The following CPSF7 variants were observed in gnomAD, a reference collection of about 807,000 sequenced individuals.
The protein encoded by CPSF7 is cleavage and polyadenylation specificity factor subunit 7.
Under a neutral mutation model 44.3 loss-of-function variants are expected in CPSF7, and 1 was observed. The observed-to-expected ratio is 0.02, with a 90% CI of 0.01 to 0.11. The LOEUF (loss-of-function observed/expected upper bound fraction) is 0.11, where lower values mean the gene tolerates loss of function less well. Among genes scored for constraint, CPSF7 ranks in the 10% least tolerant of loss-of-function variants. CPSF7 has a pLI of 1.00. For synonymous variants in CPSF7, 202 were observed against 222.0 expected (o/e 0.91, Z 0.80); for missense variants, 443 against 607.2 (o/e 0.73, Z 2.84).
At chr11:61,422,317 C>CT (rs768474632) in intron 2 of CPSF7, among the ~76,000 whole-genome samples, 118 of 144,368 alleles carry the variant, frequency 8.2e-4, no homozygotes, top group South Asian at 3.7e-3. Context: ...ATCTAGGAGA[C>CT]TTTTTTTTTT....
chr11:61,415,238 AAAAC>A (rs981254779), intron 7 of CPSF7, among the ~76,000 whole-genome samples: 1 of 152,134 alleles, frequency 6.6e-6, no homozygotes, highest in Admixed American at 6.6e-5. Flanking sequence ...ACTCCCTCTC[AAAAC>A]AAACAAACAA....
chr11:61,416,509 T>C lies in CPSF7; in HGVS notation c.534A>G (p.Pro178=). ...FEAQARKRIP[P]RAHSRDSSDS... ...CACTAGAATCTCGGGAATGGGCCCGTGGAGGTATTCCTATGAAGCAAAACA... is the reference window on the plus strand; with the variant it reads ...CACTAGAATCTCGGGAATGGGCCCGCGGAGGTATTCCTATGAAGCAAAACA... The change falls in exon 6 of 10, where the codon CCA becomes CCG. Residue 178 remains proline (P), a synonymous_variant. Transcript: ENST00000439958. 1 of 1,614,022 alleles carries C rather than the reference T, an allele frequency of 6.2e-7. No homozygotes were observed. The highest frequency in any genetic ancestry group is 8.5e-7 in the Non-Finnish European group (1 of 1,179,954).
chr11:61,404,096 C>A lies in CPSF7; in HGVS notation c.*614G>T, dbSNP rs959230937. ...CCCTCTGGGAGGTCAAAGAAATAAA[C>A]CGTCAATACGTGAGAGGGAAAGCAG... On this transcript the variant is annotated 3_prime_UTR_variant, in exon 10 of 10. Transcript: ENST00000439958. The A allele has an allele frequency of 3.3e-5, 5 of 152,580 alleles. No individual in the cohort carries two copies. Among genetic ancestry groups the A allele is most frequent in the African/African-American group, 1.2e-4 (5 of 41,424 alleles). The allele number at this position is 152,580 out of a possible 1,614,324, so 9.5% of individuals were successfully genotyped here. A position where few individuals can be genotyped will look rare whatever the true frequency, so the allele number is the denominator to read the frequency against.
intron 9 of CPSF7, among the ~76,000 whole-genome samples, chr11:61,409,662 C>T (rs1020270076): frequency 4.5e-4 from 31 of 69,300 alleles, no homozygotes; most frequent in Non-Finnish European, 8.4e-4. Flanking sequence ...TTTAAATAAA[C>T]CGTTTTTTTT....
intron 2 of CPSF7, among the ~76,000 whole-genome samples, chr11:61,425,814 A>C (rs1324938379): frequency 6.6e-6 from 1 of 152,172 alleles, no homozygotes; most frequent in Non-Finnish European, 1.5e-5. Flanking sequence ...ACCCACCAGG[A>C]GTGGAATCTG....
At chr11:61,429,161 A>C (rs1861686455) in intron 2 of CPSF7, 21 bp downstream of exon 2, 5 of 1,409,360 alleles carry the variant, frequency 3.5e-6, no homozygotes, top group South Asian at 1.2e-5. Context: ...GAAAATCCCA[A>C]AGCTCCTGAT....
At chr11:61,413,522 T>A (rs545226278) in intron 7 of CPSF7, among the ~76,000 whole-genome samples, 2 of 151,866 alleles carry the variant, frequency 1.3e-5, no homozygotes, top group South Asian at 4.2e-4. Context: ...TGCCAGTTAT[T>A]TGGGGGGCTG....
chr11:61,408,559 T>C (rs1292078955), intron 9 of CPSF7, among the ~76,000 whole-genome samples: 3 of 152,216 alleles, frequency 2.0e-5, no homozygotes, highest in Non-Finnish European at 2.9e-5. Context: ...CTAGCCACTC[T>C]GGCCTATTTT....
At chr11:61,426,052 T>A (rs1356380531) in intron 2 of CPSF7, among the ~76,000 whole-genome samples, 1 of 152,180 alleles carries the variant, frequency 6.6e-6, no homozygotes, top group Non-Finnish European at 1.5e-5. Flanking sequence ...CCAATGTGAA[T>A]CCCAGGACTC....
intron 5 of CPSF7, among the ~76,000 whole-genome samples, chr11:61,419,317 C>T (rs1274762924): frequency 4.6e-5 from 7 of 152,178 alleles, no homozygotes; most frequent in Non-Finnish European, 7.3e-5. Context: ...CCACCGCGCC[C>T]GGCCTGTAAC....
intron 2 of CPSF7, among the ~76,000 whole-genome samples, chr11:61,427,607 C>G (rs187366092): frequency 0.014 from 2,048 of 148,934 alleles, 19 homozygotes; most frequent in Non-Finnish European, 0.021. Context: ...GAGCCGAGAT[C>G]GCGCCACTGC....
At chr11:61,429,770 C>T (rs1477474260) in intron 1 of CPSF7, 144 bp downstream of exon 1, 1 of 1,547,248 alleles carries the variant, frequency 6.5e-7, no homozygotes, top group Admixed American at 2.0e-5. Context: ...GCCCGGCGCG[C>T]TCTGCCTCCT....
At chr11:61,410,851 T>C (rs1590677198) in intron 9 of CPSF7, 87 bp downstream of exon 9, 1 of 1,380,778 alleles carries the variant, frequency 7.2e-7, no homozygotes, top group East Asian at 2.4e-5. Flanking sequence ...CTGCATTTAC[T>C]TTTGCTTTAA....
chr11:61,405,060 G>T (rs973737577), intron 9 of CPSF7, among the ~76,000 whole-genome samples: 1 of 152,198 alleles, frequency 6.6e-6, no homozygotes, highest in Admixed American at 6.5e-5. Context: ...TGCTAAAAGG[G>T]AATAAGGTGA....
rs1859009339 is a variant in CPSF7, at chr11:61,402,978, CT to C, written c.*1731del. 1 of 152,086 alleles carries C rather than the reference CT, an allele frequency of 6.6e-6. No individual in the cohort carries two copies. Among genetic ancestry groups the C allele is most frequent in the South Asian group, 2.1e-4 (1 of 4,824 alleles). The allele number at this position is 152,086 out of a possible 1,614,324, so 9.4% of individuals were successfully genotyped here. On this transcript the variant is annotated 3_prime_UTR_variant, in exon 10 of 10. Transcript: ENST00000439958. ...TTTTCCTTAAACTGTCACCTTTTCT[CT>C]ACATTTTAAAAGACACCCGGAGTTG...
chr11:61,429,071 T>C (rs114871663), intron 2 of CPSF7, 111 bp downstream of exon 2: 244 of 641,882 alleles, frequency 3.8e-4, no homozygotes, highest in African/African-American at 3.7e-3. Flanking sequence ...TTAGACCGGA[T>C]AGACGCGTGT....
At position 61,421,292 on chromosome 11, in the gene CPSF7, A is replaced by G. The variant is rs577545492; in HGVS notation, c.273+98T>C. 185 of 1,114,840 alleles carry G rather than the reference A, an allele frequency of 1.7e-4. 1 individual carries two copies. The Middle Eastern group carries it at 2.1e-3, about 13-fold the overall frequency. 69.1% of individuals were successfully genotyped at this position (1,114,840 alleles called of 1,614,324 possible). Reference sequence around the variant, plus strand: ...GGAAAAAGAAATCCAACCCCATCAGAGCACAAAACAGTGCAACAGTAGTTT... The same window carrying G: ...GGAAAAAGAAATCCAACCCCATCAGGGCACAAAACAGTGCAACAGTAGTTT... On this transcript the variant is annotated intron_variant, in intron 3 of 9. Coordinates refer to ENST00000439958, the MANE Select transcript of CPSF7 (RefSeq NM_001142565.3).
intron 7 of CPSF7, among the ~76,000 whole-genome samples, chr11:61,414,302 A>AT (rs1442129310): frequency 1.3e-5 from 2 of 152,074 alleles, no homozygotes; most frequent in Non-Finnish European, 2.9e-5. Flanking sequence ...GTCTATAGGC[A>AT]TGTGCCACCA....
chr11:61,421,221 G>A (rs557615062), intron 3 of CPSF7, 169 bp downstream of exon 3: 9 of 1,037,830 alleles, frequency 8.7e-6, no homozygotes, highest in South Asian at 4.1e-5. Flanking sequence ...GCACCAGTAC[G>A]TCCTCAGGAT....
Sources: allele counts gnomAD v4.1 joint callset (sites outside exome capture counted in the v4.1 genomes callset), GRCh38; gene constraint gnomAD v4.1.1; transcripts MANE v1.5; gene names NCBI Gene and HGNC (gene_info 2026-07-23, HGNC 2026-07-21).